Variants in ZNF469 observed in about 807,000 individuals in gnomAD.
ZNF469 encodes zinc finger protein 469.
In ZNF469, 1 loss-of-function variant was observed where a neutral mutation model predicts 1.0. The ratio of observed to expected loss-of-function variants is 1.00; its 90% CI spans 0.35 to 4.73. ZNF469 has a LOEUF of 4.73. ZNF469 is among the 30% of genes most tolerant of loss of function. The pLI is 0.16. For synonymous variants in ZNF469, 2,703 were observed against 2,363.4 expected (o/e 1.14, Z -4.17); for missense variants, 6,100 against 5,356.3 (o/e 1.14, Z -4.33).
the ZNF469 span, among the ~76,000 whole-genome samples, chr16:88,320,545 G>A: frequency 7.2e-5 from 11 of 152,026 alleles, no homozygotes; most frequent in African/African-American, 2.4e-5. Flanking sequence ...CACCATATCT[G>A]GCTAGTTTTT....
At chr16:88,230,917 A>T in the ZNF469 span, among the ~76,000 whole-genome samples, 126 of 152,200 alleles carry the variant, frequency 8.3e-4, no homozygotes, top group African/African-American at 2.9e-3. Context: ...CATGCTGGGG[A>T]CGGTGAGTGC....
Position 88,428,594 on chromosome 16 carries a change from G to C in ZNF469, c.1124G>C (p.Ser375Thr). The C allele has an allele frequency of 6.5e-7, 1 of 1,550,222 alleles. No individual in the cohort carries two copies. Among genetic ancestry groups the C allele is most frequent in the Non-Finnish European group, 8.7e-7 (1 of 1,146,880 alleles). The change falls in exon 3 of 3, where the codon AGC becomes ACC. Residue 375 changes from serine (S) to threonine (T), a missense_variant. Coordinates refer to ENST00000565624, the MANE Select transcript of ZNF469 (RefSeq NM_001367624.2). Reference sequence around the variant, plus strand: ...CCCTTCTCTGACAGTTTACACAAGAGCCTGACCAAAATCCTTCCCGAAAGA... The same window carrying C: ...CCCTTCTCTGACAGTTTACACAAGACCCTGACCAAAATCCTTCCCGAAAGA... ...PRPFSDSLHK[S>T]LTKILPERPP...
At chr16:88,298,640 T>A in the ZNF469 span, among the ~76,000 whole-genome samples, 1 of 152,302 alleles carries the variant, frequency 6.6e-6, no homozygotes, top group Admixed American at 6.5e-5. Context: ...CTTGGTTATG[T>A]GCCAGAGAGA....
the ZNF469 span, among the ~76,000 whole-genome samples, chr16:88,370,223 G>T: frequency 3.3e-5 from 5 of 152,208 alleles, no homozygotes; most frequent in African/African-American, 1.2e-4. Flanking sequence ...ACAATTTCCA[G>T]CATCAATAAG....
At chr16:88,164,509 G>C in the ZNF469 span, among the ~76,000 whole-genome samples, 18 of 152,064 alleles carry the variant, frequency 1.2e-4, no homozygotes, top group Non-Finnish European at 2.1e-4. Context: ...GTTTGGATGA[G>C]CAGATGAATG....
At chr16:88,248,405 A>C in the ZNF469 span, among the ~76,000 whole-genome samples, 1 of 152,162 alleles carries the variant, frequency 6.6e-6, no homozygotes, top group Non-Finnish European at 1.5e-5. Flanking sequence ...CAGAGTTGCA[A>C]CACTCTCTAA....
At chr16:88,301,304 G>C in the ZNF469 span, among the ~76,000 whole-genome samples, 1 of 151,960 alleles carries the variant, frequency 6.6e-6, no homozygotes, top group East Asian at 2.0e-4. Context: ...ACAGGTGCCC[G>C]CTACCACGCC....
chr16:88,269,991 T>C, the ZNF469 span, among the ~76,000 whole-genome samples: 1 of 152,104 alleles, frequency 6.6e-6, no homozygotes, highest in Non-Finnish European at 1.5e-5. Context: ...AGGATCTAGG[T>C]TCGCGTCCTG....
At chr16:88,105,658 G>T in the ZNF469 span, among the ~76,000 whole-genome samples, 1 of 152,200 alleles carries the variant, frequency 6.6e-6, no homozygotes, top group Non-Finnish European at 1.5e-5. Flanking sequence ...GCAACCCCAG[G>T]CAGGATTAGC....
intron 1 of ZNF469, among the ~76,000 whole-genome samples, chr16:88,390,042 C>A (rs964850904): frequency 4.6e-5 from 7 of 152,184 alleles, no homozygotes; most frequent in African/African-American, 1.7e-4. Context: ...TCCCAAGGGA[C>A]CCACAGCTTT....
chr16:88,117,443 T>C, the ZNF469 span, among the ~76,000 whole-genome samples: 1,598 of 152,372 alleles, frequency 0.01, 29 homozygotes, highest in African/African-American at 0.035. Context: ...GTCCCTTTGA[T>C]CTTTTTTTAC....
the ZNF469 span, among the ~76,000 whole-genome samples, chr16:88,263,590 G>C: frequency 6.6e-6 from 1 of 152,194 alleles, no homozygotes; most frequent in Admixed American, 6.5e-5. Flanking sequence ...GACCTCCTGA[G>C]GAGGGTGGAT....
chr16:88,209,417 A>G, the ZNF469 span, among the ~76,000 whole-genome samples: 2 of 151,554 alleles, frequency 1.3e-5, no homozygotes, highest in Non-Finnish European at 2.9e-5. Context: ...CAGCCTCCCG[A>G]GTAGCTGGGA....
chr16:88,229,636 C>T, the ZNF469 span, among the ~76,000 whole-genome samples: 11 of 124,308 alleles, frequency 8.8e-5, no homozygotes, highest in Non-Finnish European at 1.4e-4. Flanking sequence ...GTGGATGTCA[C>T]GTGTGTGTGC....
At chr16:88,348,939 G>A in the ZNF469 span, among the ~76,000 whole-genome samples, 3 of 152,158 alleles carry the variant, frequency 2.0e-5, no homozygotes, top group Non-Finnish European at 4.4e-5. Context: ...GGACAGGGTA[G>A]GGCTCACCAC....
At chr16:88,292,854 A>C in the ZNF469 span, among the ~76,000 whole-genome samples, 3 of 148,330 alleles carry the variant, frequency 2.0e-5, no homozygotes, top group Non-Finnish European at 4.5e-5. Context: ...CCAGCTCACC[A>C]GGAACTTTAA....
At chr16:88,425,753 G>T (rs927267867) in intron 2 of ZNF469, among the ~76,000 whole-genome samples, 1 of 152,262 alleles carries the variant, frequency 6.6e-6, no homozygotes, top group Non-Finnish European at 1.5e-5. Flanking sequence ...CCTGGCAGTG[G>T]ATCCCAGAAG....
chr16:88,292,046 A>G, the ZNF469 span, among the ~76,000 whole-genome samples: 1 of 152,344 alleles, frequency 6.6e-6, no homozygotes, highest in Non-Finnish European at 1.5e-5. Flanking sequence ...GTCAGGTCCC[A>G]GGAGTCTGGA....
chr16:88,221,846 T>A, the ZNF469 span, among the ~76,000 whole-genome samples: 1 of 152,166 alleles, frequency 6.6e-6, no homozygotes, highest in Non-Finnish European at 1.5e-5. Context: ...GACACTTCAG[T>A]CCACTCTGCC....
Sources: allele counts gnomAD v4.1 joint callset (sites outside exome capture counted in the v4.1 genomes callset), GRCh38; gene constraint gnomAD v4.1.1; transcripts MANE v1.5; gene names NCBI Gene and HGNC (gene_info 2026-07-23, HGNC 2026-07-21).